ENPP2: variants seen among roughly 807,000 people sequenced by gnomAD.
ENPP2 encodes the protein autotaxin.
ENPP2 carries 51 observed loss-of-function variants against 120.2 expected under a neutral mutation model. That is an observed-to-expected ratio of 0.42 (90% CI 0.34 to 0.54). The LOEUF is 0.54. ENPP2 is among the 20% of genes least tolerant of loss of function. The probability of loss-of-function intolerance (pLI) is 0.04; values close to 1 mark genes in which losing one functional copy is unlikely to be tolerated. For missense variants in ENPP2, 920 were observed against 1,066.5 expected (o/e 0.86, Z 1.91); for synonymous variants, 365 against 366.4 (o/e 1.00, Z 0.04).
chr8:119,563,231 A>T (rs567262915), intron 23 of ENPP2, among the ~76,000 whole-genome samples: 1 of 152,336 alleles, frequency 6.6e-6, no homozygotes, highest in Admixed American at 6.5e-5. Context: ...AGAGTAAGAA[A>T]GATATTCCAG....
intron 1 of ENPP2, among the ~76,000 whole-genome samples, chr8:119,667,484 T>C (rs117165511): frequency 2.6e-4 from 40 of 152,318 alleles, no homozygotes; most frequent in Middle Eastern, 3.4e-3. Flanking sequence ...CCCTCCACAT[T>C]AGAGGGAAAG....
intron 13 of ENPP2, among the ~76,000 whole-genome samples, chr8:119,587,745 A>T (rs981981608): frequency 1.3e-5 from 2 of 152,226 alleles, no homozygotes; most frequent in Admixed American, 1.3e-4. Flanking sequence ...ACAGGATTAT[A>T]TTATCTGAAG....
At chr8:119,643,861 C>T (rs761302561) in intron 1 of ENPP2, among the ~76,000 whole-genome samples, 1 of 152,012 alleles carries the variant, frequency 6.6e-6, no homozygotes, top group Non-Finnish European at 1.5e-5. Context: ...CATTGAGCTG[C>T]GATTGGAAGG....
chr8:119,587,148 A>G, intron 13 of ENPP2, 73 bp from the exon 14 acceptor site: 1 of 1,235,580 alleles, frequency 8.1e-7, no homozygotes, highest in Admixed American at 2.0e-5. Context: ...TTGCAGCAAG[A>G]TACTCAATTC....
chr8:119,579,561 C>A (rs1812582349), intron 19 of ENPP2, among the ~76,000 whole-genome samples: 1 of 117,990 alleles, frequency 8.5e-6, no homozygotes, highest in African/African-American at 3.7e-5. Flanking sequence ...GTACAAATCA[C>A]TAATTTTTTT....
intron 22 of ENPP2, among the ~76,000 whole-genome samples, chr8:119,567,811 A>C (rs1292238179): frequency 1.3e-5 from 2 of 152,216 alleles, no homozygotes; most frequent in Non-Finnish European, 2.9e-5. Flanking sequence ...CATTAAGATA[A>C]TAAGTATTGA....
intron 8 of ENPP2, among the ~76,000 whole-genome samples, chr8:119,609,691 T>TTA (rs1814960620): frequency 6.6e-6 from 1 of 152,186 alleles, no homozygotes; most frequent in African/African-American, 2.4e-5. Context: ...GGCCAGTTCC[T>TTA]TATATTAAGG....
At chr8:119,670,275 A>C (rs1474181596) in intron 1 of ENPP2, among the ~76,000 whole-genome samples, 1 of 152,256 alleles carries the variant, frequency 6.6e-6, no homozygotes, top group Non-Finnish European at 1.5e-5. Flanking sequence ...TCAAATATCC[A>C]GAAAGTCTAA....
intron 3 of ENPP2, among the ~76,000 whole-genome samples, chr8:119,625,458 A>T (rs549535018): frequency 1.3e-5 from 2 of 152,240 alleles, no homozygotes; most frequent in African/African-American, 4.8e-5. Flanking sequence ...GTTGGATTTC[A>T]TATAAATCAA....
At chr8:119,617,728 C>G (rs1043726869) in intron 5 of ENPP2, among the ~76,000 whole-genome samples, 165 bp from the exon 6 acceptor site, 4 of 152,198 alleles carry the variant, frequency 2.6e-5, no homozygotes, top group African/African-American at 9.7e-5. Context: ...GCGGGCTGAT[C>G]ACCTGAGGTC....
chr8:119,663,184 G>T (rs375221711), intron 1 of ENPP2, among the ~76,000 whole-genome samples: 1 of 151,706 alleles, frequency 6.6e-6, no homozygotes, highest in Non-Finnish European at 1.5e-5. Flanking sequence ...TATAATTGTC[G>T]TGGTTCCCAC....
intron 9 of ENPP2, among the ~76,000 whole-genome samples, chr8:119,607,151 G>A (rs947279561): frequency 3.3e-5 from 5 of 152,118 alleles, no homozygotes; most frequent in African/African-American, 9.7e-5. Context: ...ATCTCTAGAC[G>A]ACTCCTTCGG....
chr8:119,663,119 CAAAAA>C (rs34922221), intron 1 of ENPP2, among the ~76,000 whole-genome samples: 2 of 120,430 alleles, frequency 1.7e-5, no homozygotes, highest in African/African-American at 6.8e-5. Flanking sequence ...ACTCTTGTCT[CAAAAA>C]AAAAAAAAAA....
chr8:119,611,525 G>T (rs1027882613), intron 8 of ENPP2, among the ~76,000 whole-genome samples: 1 of 152,208 alleles, frequency 6.6e-6, no homozygotes, highest in African/African-American at 2.4e-5. Flanking sequence ...GAGCTGCCGA[G>T]GCTGAGATGG....
intron 1 of ENPP2, among the ~76,000 whole-genome samples, chr8:119,671,107 T>G: frequency 1.6e-5 from 2 of 125,130 alleles, no homozygotes; most frequent in East Asian, 2.2e-4. Flanking sequence ...GCTAACATGG[T>G]GAAACCCCTC....
At chr8:119,564,449 G>T (rs1414256237) in intron 23 of ENPP2, among the ~76,000 whole-genome samples, 1 of 152,066 alleles carries the variant, frequency 6.6e-6, no homozygotes, top group East Asian at 1.9e-4. Flanking sequence ...AGGCCGAGGA[G>T]GGTAGAACAC....
At chr8:119,591,109 T>G (rs2130438257) in intron 12 of ENPP2, among the ~76,000 whole-genome samples, 1 of 151,764 alleles carries the variant, frequency 6.6e-6, no homozygotes, top group East Asian at 1.9e-4. Flanking sequence ...TTTCCAACTC[T>G]CTAATATATC....
chr8:119,602,641 C>A lies in ENPP2; in HGVS notation c.834-1179G>T, dbSNP rs964512651. ...AGCTAACATGACAGTATTGCATCCC[C>A]GGCTGAGTTACATTCAGATGCTCAC... On this transcript the variant is annotated intron_variant, in intron 9 of 24. Coordinates refer to ENST00000075322, the MANE Select transcript of ENPP2 (RefSeq NM_001040092.3). 2.6e-5 allele frequency among the ~76,000 whole-genome samples: 4 copies of A among 152,126 alleles called. No homozygotes were observed. The South Asian group carries it at 6.2e-4, about 24-fold the overall frequency.
intron 1 of ENPP2, among the ~76,000 whole-genome samples, chr8:119,647,554 T>A (rs1439515965): frequency 6.6e-6 from 1 of 152,208 alleles, no homozygotes; most frequent in Non-Finnish European, 1.5e-5. Flanking sequence ...TTTAGCCATA[T>A]TTTTTAACAT....
Sources: gnomAD v4.1 joint callset for allele counts (sites outside exome capture counted in the v4.1 genomes callset) on GRCh38, gnomAD v4.1.1 for gene constraint, MANE v1.5 for transcripts, NCBI Gene and HGNC (gene_info 2026-07-23, HGNC 2026-07-21) for gene names.